Variants in MAF observed in about 807,000 individuals in gnomAD.
MAF encodes transcription factor Maf.
In MAF, 10 loss-of-function variants were observed where a neutral mutation model predicts 22.0. The ratio of observed to expected loss-of-function variants is 0.45; its 90% confidence interval spans 0.28 to 0.77. The LOEUF (loss-of-function observed/expected upper bound fraction) is 0.77. MAF is among the 30% of genes least tolerant of loss of function. The pLI, the probability that MAF is intolerant of heterozygous loss-of-function variation, is 0.12. For missense variants in MAF, 544 were observed against 548.4 expected (o/e 0.99, Z 0.08); for synonymous variants, 337 against 255.8 (o/e 1.32, Z -3.03).
chr16:79,310,772 G>C, the MAF span, among the ~76,000 whole-genome samples: 2 of 152,196 alleles, frequency 1.3e-5, no homozygotes, highest in Admixed American at 1.3e-4. Context: ...TAGCTTCTCA[G>C]CTCCTGCTGC....
chr16:79,328,651 G>A, the MAF span, among the ~76,000 whole-genome samples: 3 of 152,188 alleles, frequency 2.0e-5, no homozygotes, highest in Non-Finnish European at 4.4e-5. Flanking sequence ...AGTTGTCACT[G>A]TGTGATTTGG....
chr16:79,231,348 C>T, the MAF span, among the ~76,000 whole-genome samples: 5 of 151,984 alleles, frequency 3.3e-5, no homozygotes, highest in Non-Finnish European at 1.5e-5. Context: ...GCTCTTGCTG[C>T]GTTTTAATTT....
At chr16:79,234,197 G>A in the MAF span, among the ~76,000 whole-genome samples, 2 of 151,780 alleles carry the variant, frequency 1.3e-5, no homozygotes, top group Non-Finnish European at 2.9e-5. Context: ...GTTTTTTTTG[G>A]CAGAGACTGC....
At chr16:79,559,532 AATATT>A in the MAF span, among the ~76,000 whole-genome samples, 5 of 152,146 alleles carry the variant, frequency 3.3e-5, no homozygotes, top group African/African-American at 9.7e-5. Context: ...CCAGGAAACA[AATATT>A]AGGTGATTGA....
At chr16:79,517,999 C>G in the MAF span, among the ~76,000 whole-genome samples, 1 of 152,218 alleles carries the variant, frequency 6.6e-6, no homozygotes, top group Non-Finnish European at 1.5e-5. Context: ...ACAGTAGTTG[C>G]TTTTCCTCGT....
At chr16:79,441,525 A>C in the MAF span, among the ~76,000 whole-genome samples, 1 of 152,244 alleles carries the variant, frequency 6.6e-6, no homozygotes, top group African/African-American at 2.4e-5. Context: ...ATAAAATTTT[A>C]CTTATGGATT....
chr16:79,453,944 T>G, the MAF span, among the ~76,000 whole-genome samples: 1 of 152,238 alleles, frequency 6.6e-6, no homozygotes, highest in African/African-American at 2.4e-5. Context: ...TTAAAATTAG[T>G]TTATTGGATT....
At chr16:79,337,815 A>G in the MAF span, among the ~76,000 whole-genome samples, 2 of 152,188 alleles carry the variant, frequency 1.3e-5, no homozygotes, top group African/African-American at 4.8e-5. Flanking sequence ...AAACCCTTCT[A>G]TGCACACACA....
the MAF span, among the ~76,000 whole-genome samples, chr16:79,484,524 G>A: frequency 6.6e-6 from 1 of 152,194 alleles, no homozygotes; most frequent in East Asian, 1.9e-4. Flanking sequence ...ATAGTCTTTG[G>A]TCCCTGCTAT....
the MAF span, among the ~76,000 whole-genome samples, chr16:79,540,717 G>A: frequency 3.1e-3 from 470 of 152,242 alleles, 1 homozygote; most frequent in Non-Finnish European, 5.7e-3. Flanking sequence ...AATTTTGCGT[G>A]GCACAGGCTG....
the MAF span, among the ~76,000 whole-genome samples, chr16:79,337,280 C>T: frequency 6.6e-6 from 1 of 152,152 alleles, no homozygotes; most frequent in Non-Finnish European, 1.5e-5. Context: ...ACCCATAAAA[C>T]ACAGACAGCA....
chr16:79,555,345 T>G, the MAF span, among the ~76,000 whole-genome samples: 1 of 152,176 alleles, frequency 6.6e-6, no homozygotes, highest in East Asian at 1.9e-4. Flanking sequence ...CAGTTTGAAG[T>G]GTCAGGAATG....
At chr16:79,294,871 A>G in the MAF span, among the ~76,000 whole-genome samples, 1 of 152,322 alleles carries the variant, frequency 6.6e-6, no homozygotes, top group Admixed American at 6.5e-5. Context: ...AAAAGAATCA[A>G]CTGAACTGCT....
chr16:79,289,279 G>A, the MAF span, among the ~76,000 whole-genome samples: 4 of 152,158 alleles, frequency 2.6e-5, no homozygotes, highest in Non-Finnish European at 5.9e-5. Flanking sequence ...GAAGACTGGG[G>A]CAGGCAAGAG....
chr16:79,485,964 T>C, the MAF span, among the ~76,000 whole-genome samples: 2 of 152,260 alleles, frequency 1.3e-5, no homozygotes, highest in Non-Finnish European at 2.9e-5. Context: ...ATAAGGATCT[T>C]GCAGACAAAA....
chr16:79,424,863 A>G, the MAF span, among the ~76,000 whole-genome samples: 1 of 152,220 alleles, frequency 6.6e-6, no homozygotes, highest in Admixed American at 6.5e-5. Context: ...GCTCCTATCC[A>G]AGTCCCAATA....
chr16:79,329,164 G>A, the MAF span, among the ~76,000 whole-genome samples: 1 of 151,864 alleles, frequency 6.6e-6, no homozygotes, highest in African/African-American at 2.4e-5. Flanking sequence ...AAACACCAGG[G>A]CACATTAGGT....
At chr16:79,249,421 A>C in the MAF span, among the ~76,000 whole-genome samples, 1 of 113,856 alleles carries the variant, frequency 8.8e-6, no homozygotes, top group Admixed American at 9.3e-5. Flanking sequence ...TCCGTTTCAA[A>C]AAAAAAAAAA....
chr16:79,368,929 C>A, the MAF span, among the ~76,000 whole-genome samples: 4 of 152,288 alleles, frequency 2.6e-5, no homozygotes, highest in East Asian at 7.7e-4. Flanking sequence ...AAATCACACA[C>A]TTTTATATAC....
Sources: gnomAD v4.1 joint callset for allele counts (sites outside exome capture counted in the v4.1 genomes callset) on GRCh38, gnomAD v4.1.1 for gene constraint, MANE v1.5 for transcripts, NCBI Gene and HGNC (gene_info 2026-07-23, HGNC 2026-07-21) for gene names.